RBMS1: variants seen among roughly 807,000 people sequenced by gnomAD.
The protein encoded by RBMS1 is RNA binding motif single stranded interacting protein 1, also known as RNA-binding motif, single-stranded-interacting protein 1.
RBMS1 carries 17 observed loss-of-function variants against 62.3 expected under a neutral mutation model. The observed-to-expected ratio is 0.27, with a 90% CI of 0.19 to 0.41. The LOEUF (loss-of-function observed/expected upper bound fraction) is 0.41. Among genes scored for constraint, RBMS1 ranks in the 10% least tolerant of loss-of-function variants. The probability of loss-of-function intolerance (pLI) is 1.00; values close to 1 mark genes in which losing one functional copy is unlikely to be tolerated. For missense variants in RBMS1, 334 were observed against 504.5 expected (o/e 0.66, Z 3.24); for synonymous variants, 172 against 170.0 (o/e 1.01, Z -0.09).
At chr2:160,406,040 C>T (rs1178312953) in intron 1 of RBMS1, among the ~76,000 whole-genome samples, 1 of 152,186 alleles carries the variant, frequency 6.6e-6, no homozygotes, top group Non-Finnish European at 1.5e-5. Context: ...GAGATGCCTG[C>T]TTCTGAATCT....
At position 160,493,384 on chromosome 2, in the gene RBMS1, C is replaced by G; in HGVS notation, c.-21G>C. On this transcript the variant is annotated 5_prime_UTR_variant, in exon 1 of 14. Coordinates refer to ENST00000348849, the MANE Select transcript of RBMS1 (RefSeq NM_016836.4). ...CCCATGAAGCTGGAAGGGAGCCTGC[C>G]GTGCAGGGTCGCGGACACTTTGGGG... The G allele has an allele frequency of 6.2e-7, 1 of 1,610,450 alleles. No individual in the cohort carries two copies. The highest frequency in any genetic ancestry group is 8.5e-7 in the Non-Finnish European group (1 of 1,177,092).
chr2:160,308,790 A>G (rs1476559774), intron 4 of RBMS1, among the ~76,000 whole-genome samples: 1 of 152,176 alleles, frequency 6.6e-6, no homozygotes, highest in African/African-American at 2.4e-5. Context: ...CTCATTTTCA[A>G]CCTGGGGGAA....
At chr2:160,330,404 C>G (rs749624594) in intron 2 of RBMS1, among the ~76,000 whole-genome samples, 5 of 152,068 alleles carry the variant, frequency 3.3e-5, no homozygotes, top group Non-Finnish European at 7.4e-5. Context: ...GCACACTTAT[C>G]AAATATATAA....
chr2:160,399,307 A>G (rs189528907), intron 1 of RBMS1, among the ~76,000 whole-genome samples: 96 of 152,324 alleles, frequency 6.3e-4, no homozygotes, highest in African/African-American at 2.2e-3. Flanking sequence ...CAATGTATGC[A>G]CATTTTGCAT....
chr2:160,409,244 G>C (rs550699364), intron 1 of RBMS1, among the ~76,000 whole-genome samples: 2 of 148,594 alleles, frequency 1.3e-5, no homozygotes, highest in African/African-American at 5.0e-5. Context: ...ATAAATAACC[G>C]TATAAAACAC....
rs901284953 is a variant in RBMS1, at chr2:160,493,312, A to G, written c.52T>C (p.Tyr18His). The change falls in exon 1 of 14, where the codon TAC becomes CAC. Residue 18 changes from tyrosine (Y) to histidine (H), a missense_variant. Transcript: ENST00000348849. Reference sequence around the variant, plus strand: ...ACCTTGGCTTGCAGATACTGGGGGTAATAGTAGGTGGCGTACTGAGGGTAC... The same window carrying G: ...ACCTTGGCTTGCAGATACTGGGGGTGATAGTAGGTGGCGTACTGAGGGTAC... ...QMYPQYATYYYPQYLQAKQSL... is the reference protein window; with the variant it reads ...QMYPQYATYYHPQYLQAKQSL... The G allele has an allele frequency of 1.9e-6, 3 of 1,613,174 alleles. No individual in the cohort carries two copies. Among genetic ancestry groups the G allele is most frequent in the Middle Eastern group, 1.7e-4 (1 of 6,060 alleles).
chr2:160,461,707 T>C (rs1684472472), intron 1 of RBMS1, among the ~76,000 whole-genome samples: 1 of 152,234 alleles, frequency 6.6e-6, no homozygotes, highest in African/African-American at 2.4e-5. Flanking sequence ...AACCTCCACT[T>C]TCACTGCTCT....
intron 6 of RBMS1, among the ~76,000 whole-genome samples, chr2:160,289,407 A>G (rs1688566893): frequency 6.6e-6 from 1 of 152,248 alleles, no homozygotes; most frequent in South Asian, 2.1e-4. Context: ...AGTAAAAATG[A>G]CACATTTCTG....
intron 2 of RBMS1, among the ~76,000 whole-genome samples, chr2:160,355,034 T>C (rs1258168522): frequency 6.6e-6 from 1 of 152,110 alleles, no homozygotes; most frequent in Non-Finnish European, 1.5e-5. Context: ...AAGTCTCCAG[T>C]TTGAAGTCAA....
chr2:160,448,645 G>T (rs933744125), intron 1 of RBMS1, among the ~76,000 whole-genome samples: 1 of 152,120 alleles, frequency 6.6e-6, no homozygotes, highest in Non-Finnish European at 1.5e-5. Flanking sequence ...GGCTCGCTAC[G>T]ACCTCCACCT....
At chr2:160,360,372 CAGAA>C (rs984095041) in intron 2 of RBMS1, among the ~76,000 whole-genome samples, 11 of 152,114 alleles carry the variant, frequency 7.2e-5, no homozygotes, top group African/African-American at 2.2e-4. Context: ...CTGAGAGAGA[CAGAA>C]AGAAAGGAGA....
At chr2:160,311,220 C>A (rs377700296) in intron 4 of RBMS1, among the ~76,000 whole-genome samples, 14,522 of 83,380 alleles carry the variant, frequency 0.17, 1,686 homozygotes, top group Admixed American at 0.29. Context: ...ATCTATCTAT[C>A]TATCTATCTA....
intron 1 of RBMS1, among the ~76,000 whole-genome samples, chr2:160,457,124 T>A (rs983571421): frequency 1.0e-4 from 11 of 108,504 alleles, no homozygotes; most frequent in African/African-American, 1.5e-4. Context: ...ATTTATTTAA[T>A]TAATTTATTT....
chr2:160,426,896 T>C (rs1186385159), intron 1 of RBMS1, among the ~76,000 whole-genome samples: 1 of 152,160 alleles, frequency 6.6e-6, no homozygotes, highest in Non-Finnish European at 1.5e-5. Context: ...ACAAAGGTCT[T>C]CAAGGCAACT....
chr2:160,361,289 C>T (rs866784519), intron 2 of RBMS1, among the ~76,000 whole-genome samples: 18 of 152,226 alleles, frequency 1.2e-4, no homozygotes, highest in African/African-American at 3.9e-4. Flanking sequence ...CCAACAGAGA[C>T]TCTCAGACAT....
At chr2:160,482,396 T>G (rs1174534230) in intron 1 of RBMS1, among the ~76,000 whole-genome samples, 1 of 143,774 alleles carries the variant, frequency 7.0e-6, no homozygotes, top group African/African-American at 2.6e-5. Context: ...GATTTAAAAT[T>G]TGTGCACTAT....
intron 1 of RBMS1, among the ~76,000 whole-genome samples, chr2:160,408,299 G>C (rs1254353495): frequency 6.6e-6 from 1 of 151,224 alleles, no homozygotes; most frequent in Admixed American, 6.6e-5. Context: ...TTCACCTTTC[G>C]AACTAGGCCC....
At chr2:160,426,428 T>C (rs930858890) in intron 1 of RBMS1, among the ~76,000 whole-genome samples, 2 of 152,118 alleles carry the variant, frequency 1.3e-5, no homozygotes, top group African/African-American at 4.8e-5. Context: ...TTAAAAGGAA[T>C]GGCAAGATAC....
intron 1 of RBMS1, among the ~76,000 whole-genome samples, chr2:160,408,760 C>T (rs1695904842): frequency 6.6e-6 from 1 of 152,158 alleles, no homozygotes. Context: ...ACCACCTTTC[C>T]GTGGACGTAT....
Sources: allele counts gnomAD v4.1 joint callset (sites outside exome capture counted in the v4.1 genomes callset), GRCh38; gene constraint gnomAD v4.1.1; transcripts MANE v1.5; gene names NCBI Gene and HGNC (gene_info 2026-07-23, HGNC 2026-07-21).